SVIL: variants seen among roughly 807,000 people sequenced by gnomAD.
The protein encoded by SVIL is supervillin.
Under a neutral mutation model 240.4 loss-of-function variants are expected in SVIL, and 101 were observed. The observed-to-expected ratio is 0.42, with a 90% CI of 0.36 to 0.50. The LOEUF (loss-of-function observed/expected upper bound fraction) is 0.50. Among genes scored for constraint, SVIL ranks in the 20% least tolerant of loss-of-function variants. The probability of loss-of-function intolerance (pLI) is 0.01; values close to 1 mark genes in which losing one functional copy is unlikely to be tolerated. For missense variants in SVIL, 2,512 were observed against 2,818.7 expected, an observed-to-expected ratio of 0.89 and a Z score of 2.46; for synonymous variants, 999 against 1,100.0, an observed-to-expected ratio of 0.91 and a Z score of 1.82.
rs772127401 is a variant in SVIL, at chr10:29,533,457, C to T, written c.910G>A (p.Val304Ile). 3.1e-6 allele frequency: 5 copies of T among 1,611,160 alleles called. No homozygotes were observed. Among genetic ancestry groups the T allele is most frequent in the Admixed American group, 1.7e-5 (1 of 59,784 alleles). ...TPSLINWPSR[V>I]KVREKLVKEE... Reference sequence around the variant, plus strand: ...TTCACCAATTTTTCTCTAACTTTAACTCTTTAAGAAAGAAAAAGGATTTAA... The same window carrying T: ...TTCACCAATTTTTCTCTAACTTTAATTCTTTAAGAAAGAAAAAGGATTTAA... Residue 304 changes from valine to isoleucine, a missense_variant and splice_region_variant, in exon 8 of 38, where the codon GTT becomes ATT. This residue lies in a region of SVIL where 1,443 missense variants were observed against 1,486.6 expected (regional missense o/e 0.97). Coordinates refer to ENST00000355867, the MANE Select transcript of SVIL (RefSeq NM_021738.3).
rs1290529285 is a variant in SVIL, at chr10:29,569,332, G to A, written c.-200-20C>T. The stretch of plus-strand genomic sequence containing the variant: ...TGAAATCTAAGGGAAAAGAAATAAT[G>A]TAACATTGAAATAGTTATGCAAATT... On this transcript the variant is annotated intron_variant, in intron 1 of 37. Coordinates refer to ENST00000355867, the MANE Select transcript of SVIL (RefSeq NM_021738.3). 2 of 976,190 alleles carry A rather than the reference G, an allele frequency of 2.0e-6. No individual in the cohort carries two copies. Among genetic ancestry groups the A allele is most frequent in the Non-Finnish European group, 2.4e-6 (2 of 821,310 alleles). The allele number at this position is 976,190 out of a possible 1,614,324, so 60.5% of individuals were successfully genotyped here.
At chr10:29,697,058 G>GGAGA (rs1962123963) in intron 1 of SVIL, among the ~76,000 whole-genome samples, 3 of 129,632 alleles carry the variant, frequency 2.3e-5, no homozygotes, top group African/African-American at 8.8e-5. Flanking sequence ...CGTCCGGGAG[G>GGAGA]TGAGGGGCGC....
At chr10:29,687,201 G>T (rs1311784232) in intron 1 of SVIL, among the ~76,000 whole-genome samples, 1 of 152,128 alleles carries the variant, frequency 6.6e-6, no homozygotes, top group Non-Finnish European at 1.5e-5. Context: ...AAGTCTATTC[G>T]ATTCCGCACT....
At chr10:29,510,736 G>A (rs1281990379) in intron 17 of SVIL, among the ~76,000 whole-genome samples, 6 of 150,534 alleles carry the variant, frequency 4.0e-5, no homozygotes, top group Non-Finnish European at 8.9e-5. Flanking sequence ...CAGACACCCC[G>A]CAAGCAGTGG....
chr10:29,627,363 A>C (rs1290883500), intron 1 of SVIL, among the ~76,000 whole-genome samples: 1 of 152,182 alleles, frequency 6.6e-6, no homozygotes, highest in Non-Finnish European at 1.5e-5. Context: ...GTTTGAATGA[A>C]TGAGGCCACT....
chr10:29,471,841 G>A (rs972284158), intron 30 of SVIL, among the ~76,000 whole-genome samples: 1 of 152,248 alleles, frequency 6.6e-6, no homozygotes, highest in East Asian at 1.9e-4. Flanking sequence ...TAGTCAGGGA[G>A]CACTGAGAGA....
chr10:29,507,844 G>A (rs1564538263), intron 17 of SVIL: 17 of 936,644 alleles, frequency 1.8e-5, no homozygotes, highest in Non-Finnish European at 2.0e-5. Context: ...GGTTTAAGGT[G>A]AAAAGAGAAG....
chr10:29,606,070 G>A (rs776584507), intron 1 of SVIL, among the ~76,000 whole-genome samples: 5 of 151,446 alleles, frequency 3.3e-5, no homozygotes, highest in African/African-American at 7.3e-5. Context: ...GCCACCACGC[G>A]CAGTTAATTT....
intron 7 of SVIL, among the ~76,000 whole-genome samples, chr10:29,535,454 C>T (rs1186722690): frequency 3.9e-5 from 6 of 152,158 alleles, no homozygotes; most frequent in East Asian, 3.9e-4. Context: ...TGACTCCTTC[C>T]GCCTCTCCCT....
chr10:29,570,871 A>G (rs1955373250), intron 1 of SVIL, among the ~76,000 whole-genome samples: 1 of 152,240 alleles, frequency 6.6e-6, no homozygotes, highest in African/African-American at 2.4e-5. Flanking sequence ...TAAGTAACTG[A>G]ACACAGGAGA....
At chr10:29,662,526 A>G (rs1261658410) in intron 2 of SVIL, among the ~76,000 whole-genome samples, 1 of 152,230 alleles carries the variant, frequency 6.6e-6, no homozygotes, top group Non-Finnish European at 1.5e-5. Context: ...GGAACTGCAC[A>G]GTGACCTGCA....
chr10:29,617,907 C>G (rs1201364916), intron 1 of SVIL, among the ~76,000 whole-genome samples: 1 of 152,216 alleles, frequency 6.6e-6, no homozygotes, highest in African/African-American at 2.4e-5. Flanking sequence ...CCTGAAAGAA[C>G]AGTCCACAGT....
chr10:29,714,827 G>T (rs2132676910), intron 1 of SVIL, among the ~76,000 whole-genome samples: 1 of 151,692 alleles, frequency 6.6e-6, no homozygotes. Flanking sequence ...GGGCATGGTG[G>T]CACACAGCTG....
intron 2 of SVIL, among the ~76,000 whole-genome samples, chr10:29,665,556 G>A (rs1959223901): frequency 6.6e-6 from 1 of 152,152 alleles, no homozygotes; most frequent in Admixed American, 6.5e-5. Flanking sequence ...AGCACTTTGG[G>A]AGGCCGAGGC....
chr10:29,729,686 T>C (rs894797502), intron 1 of SVIL, among the ~76,000 whole-genome samples: 8 of 149,376 alleles, frequency 5.4e-5, no homozygotes, highest in Non-Finnish European at 1.0e-4. Context: ...ACACAAAAAG[T>C]AGCTGGGTGT....
At chr10:29,664,263 T>C (rs772036166) in intron 2 of SVIL, among the ~76,000 whole-genome samples, 1 of 152,246 alleles carries the variant, frequency 6.6e-6, no homozygotes, top group South Asian at 2.1e-4. Flanking sequence ...TGTATATTCA[T>C]AATTTTTTTT....
chr10:29,519,831 A>C (rs985122867), intron 16 of SVIL, among the ~76,000 whole-genome samples: 2 of 152,216 alleles, frequency 1.3e-5, no homozygotes, highest in African/African-American at 4.8e-5. Context: ...GACCATGATA[A>C]GTTATGGCTT....
Position 29,487,278 on chromosome 10 carries a change from C to T in SVIL, c.4370G>A (p.Arg1457Lys). 6.2e-7 allele frequency: 1 copy of T among 1,614,170 alleles called. No homozygotes were observed. The change falls in exon 24 of 38, where the codon AGG becomes AAG. Residue 1457 changes from arginine to lysine, a missense_variant. Coordinates refer to ENST00000355867, the MANE Select transcript of SVIL (RefSeq NM_021738.3). ...QIKGRRHVQT[R>K]LVEPRASALN... ...CGCCGAAGCTCGAGGTTCCACCAGC[C>T]TGGTCTGCACATGTCTTCTTCCTGA...
intron 2 of SVIL, among the ~76,000 whole-genome samples, chr10:29,658,258 T>C (rs1959062384): frequency 6.6e-6 from 1 of 152,248 alleles, no homozygotes; most frequent in South Asian, 2.1e-4. Flanking sequence ...AAAGTATCTT[T>C]TTAAACCTCT....
Sources: gnomAD v4.1 joint callset for allele counts (sites outside exome capture counted in the v4.1 genomes callset) on GRCh38, gnomAD v4.1.1 for gene constraint, gnomAD v4.1.1 regional missense constraint, MANE v1.5 for transcripts, NCBI Gene and HGNC (gene_info 2026-07-23, HGNC 2026-07-21) for gene names.